Variants in SLC45A4 observed in about 807,000 individuals in gnomAD.
The protein encoded by SLC45A4 is polyamine-transporter SLC45A4.
SLC45A4 carries 32 observed loss-of-function variants against 63.7 expected under a neutral mutation model. The ratio of observed to expected loss-of-function variants is 0.50; its 90% CI spans 0.38 to 0.67. SLC45A4 has a LOEUF of 0.67. SLC45A4 is among the 30% of genes least tolerant of loss of function. SLC45A4 has a pLI of 0.00. For missense variants in SLC45A4, 1,027 were observed against 1,157.7 expected, an observed-to-expected ratio of 0.89 and a Z score of 1.64; for synonymous variants, 535 against 510.0, an observed-to-expected ratio of 1.05 and a Z score of -0.66.
rs556228067 is a variant in SLC45A4, at chr8:141,218,354, TAGG to T, written c.1283_1285del (p.Ser428del). The T allele has an allele frequency of 2.5e-5, 40 of 1,608,194 alleles. No individual in the cohort carries two copies. In the South Asian group the frequency reaches 2.5e-4, roughly 10 times the overall value. On this transcript the variant is annotated inframe_deletion, in exon 5 of 9. Coordinates refer to ENST00000517878, the MANE Select transcript of SLC45A4 (RefSeq NM_001286646.2). ...GCAGTGGGACCCAAGCTTGCCGTAG[TAGG>T]AGAAGGTGCTGGAGGCCTGCCTGCG...
At position 141,211,383 on chromosome 8, in the gene SLC45A4, G is replaced by A. The variant is rs182827946; in HGVS notation, c.*189C>T. On this transcript the variant is annotated 3_prime_UTR_variant, in exon 9 of 9. Coordinates refer to ENST00000517878, the MANE Select transcript of SLC45A4 (RefSeq NM_001286646.2). ...GGAGCTCGTCTGGAGCTCACGCTCC[G>A]CCCCCAGGTGGTGCCCAGCCCATCC... is the stretch of plus-strand genomic sequence containing the variant. 6.9e-5 allele frequency: 104 copies of A among 1,501,558 alleles called. No homozygotes were observed. Among genetic ancestry groups the A allele is most frequent in the Non-Finnish European group, 7.9e-5 (89 of 1,124,916 alleles). 93.0% of individuals were successfully genotyped at this position (1,501,558 alleles called of 1,614,324 possible). A position where few individuals can be genotyped will look rare whatever the true frequency, so the allele number is the denominator to read the frequency against.
At chr8:141,240,785 CTG>C (rs1827870643) in intron 2 of SLC45A4, among the ~76,000 whole-genome samples, 8 of 152,216 alleles carry the variant, frequency 5.3e-5, no homozygotes, top group Admixed American at 2.6e-4. Context: ...CTGCCCGACA[CTG>C]TGATTGGATC....
chr8:141,282,071 G>A (rs1199314158), intron 1 of SLC45A4, among the ~76,000 whole-genome samples: 1 of 152,194 alleles, frequency 6.6e-6, no homozygotes, highest in Admixed American at 6.5e-5. Flanking sequence ...GGGAAGCCCA[G>A]AGCAAATCGA....
chr8:141,226,772 T>C (rs960369174), intron 2 of SLC45A4: 1 of 152,084 alleles, frequency 6.6e-6, no homozygotes, highest in Admixed American at 6.5e-5. Flanking sequence ...TCAAGCCCAA[T>C]AGGAAGTCAG....
chr8:141,289,097 G>C (rs761411100), intron 1 of SLC45A4, among the ~76,000 whole-genome samples: 1 of 152,222 alleles, frequency 6.6e-6, no homozygotes, highest in Non-Finnish European at 1.5e-5. Context: ...AGCCAGGTGC[G>C]CGATGGAGTC....
At chr8:141,304,556 CAAAAAA>C (rs61384705) in intron 1 of SLC45A4, among the ~76,000 whole-genome samples, 6 of 127,394 alleles carry the variant, frequency 4.7e-5, no homozygotes, top group Non-Finnish European at 6.4e-5. Context: ...AAGACTGTCT[CAAAAAA>C]AAAAAAAAAA....
chr8:141,218,878 G>A lies in SLC45A4; in HGVS notation c.762C>T (p.Asp254=), dbSNP rs759723616. The A allele has an allele frequency of 6.2e-7, 1 of 1,613,606 alleles. No individual in the cohort carries two copies. The highest frequency in any genetic ancestry group is 8.5e-7 in the Non-Finnish European group (1 of 1,179,930). The change falls in exon 5 of 9, where the codon GAC becomes GAT. Residue 254 remains aspartate, a synonymous_variant. Transcript: ENST00000517878. ...CCTGCTGCGGGCTGTACTGCTCCTC[G>A]TCGATGCTGAACAGGTGCAGGGCCA... is the stretch of plus-strand genomic sequence containing the variant. ...VSVALHLFSI[D]EEQYSPQQER...
At chr8:141,231,215 C>G (rs75782416) in intron 2 of SLC45A4, among the ~76,000 whole-genome samples, 3 of 152,172 alleles carry the variant, frequency 2.0e-5, no homozygotes, top group African/African-American at 7.2e-5. Context: ...GAAGGAGCGC[C>G]GGAGACAGGG....
In SLC45A4 at chr8:141,227,322, G is replaced by T. The variant is rs1415710399; in HGVS notation, c.242-5557C>A. Among the ~76,000 whole-genome samples the T allele has an allele frequency of 1.3e-5, 2 of 152,268 alleles. No homozygotes were observed. Among genetic ancestry groups the T allele is most frequent in the Non-Finnish European group, 2.9e-5 (2 of 68,014 alleles). On this transcript the variant is annotated intron_variant, in intron 2 of 8. Transcript: ENST00000517878. The surrounding 1 kb of genome is among the most constrained non-coding windows in gnomAD (Gnocchi z 4.4). ...ACTTTCTGGTGAGGGGAGACTGGCGGGGGGTGGGGAGGGCAAGGAGTGGGA... is the reference window on the plus strand; with the variant it reads ...ACTTTCTGGTGAGGGGAGACTGGCGTGGGGTGGGGAGGGCAAGGAGTGGGA...
chr8:141,217,261 T>C (rs1589761625), intron 5 of SLC45A4, 72 bp from the exon 6 acceptor site: 1 of 1,469,346 alleles, frequency 6.8e-7, no homozygotes, highest in African/African-American at 1.4e-5. Context: ...GTATTTCCCA[T>C]GGGAACTGCT....
intron 1 of SLC45A4, among the ~76,000 whole-genome samples, chr8:141,274,770 G>A (rs1293414985): frequency 2.0e-5 from 3 of 152,200 alleles, no homozygotes; most frequent in Non-Finnish European, 2.9e-5. Flanking sequence ...GGATGACATG[G>A]CATGGCTGAG....
chr8:141,295,819 C>CCCAGCAG (rs1001782668), intron 1 of SLC45A4, among the ~76,000 whole-genome samples: 2 of 152,206 alleles, frequency 1.3e-5, no homozygotes, highest in Admixed American at 1.3e-4. Context: ...CCTTGAGTGC[C>CCCAGCAG]CCAGCAGCCA....
At chr8:141,235,346 G>A (rs1399775633) in intron 2 of SLC45A4, among the ~76,000 whole-genome samples, 3 of 152,172 alleles carry the variant, frequency 2.0e-5, no homozygotes, top group Non-Finnish European at 4.4e-5. Flanking sequence ...TTCAACCCAG[G>A]GCACAGCGGG....
intron 1 of SLC45A4, among the ~76,000 whole-genome samples, chr8:141,280,985 C>G (rs1036738859): frequency 6.6e-6 from 1 of 152,242 alleles, no homozygotes; most frequent in African/African-American, 2.4e-5. Context: ...CAACGGAGTC[C>G]AGGCATCCTC....
intron 1 of SLC45A4, among the ~76,000 whole-genome samples, chr8:141,290,299 C>T (rs370534933): frequency 1.6e-3 from 248 of 151,960 alleles, no homozygotes; most frequent in African/African-American, 5.8e-3. Flanking sequence ...TCGGCACCGG[C>T]AGAAAGGCCC....
intron 1 of SLC45A4, among the ~76,000 whole-genome samples, chr8:141,263,601 T>TAA (rs58443196): frequency 9.7e-5 from 14 of 144,352 alleles, no homozygotes; most frequent in African/African-American, 2.8e-4. Flanking sequence ...CATCTCTACT[T>TAA]AAAAAAAAAA....
At chr8:141,302,690 A>G (rs57221258) in intron 1 of SLC45A4, among the ~76,000 whole-genome samples, 14,732 of 152,206 alleles carry the variant, frequency 0.097, 843 homozygotes, top group Middle Eastern at 0.17. Flanking sequence ...CTTGACAGCA[A>G]TGTAACTCTA....
chr8:141,290,541 T>C (rs146982507), intron 1 of SLC45A4, among the ~76,000 whole-genome samples: 3 of 152,320 alleles, frequency 2.0e-5, no homozygotes, highest in African/African-American at 4.8e-5. Context: ...CATGGCAGCG[T>C]TCCAGTCACT....
At chr8:141,264,005 CTGAGTA>C (rs997978531) in intron 1 of SLC45A4, among the ~76,000 whole-genome samples, 1 of 152,114 alleles carries the variant, frequency 6.6e-6, no homozygotes, top group Non-Finnish European at 1.5e-5. Context: ...AAGAACCAGT[CTGAGTA>C]TTTCTTCAGT....
Sources: allele counts gnomAD v4.1 joint callset (sites outside exome capture counted in the v4.1 genomes callset), GRCh38; gene constraint gnomAD v4.1.1; non-coding constraint Gnocchi (gnomAD v3.1); transcripts MANE v1.5; gene names NCBI Gene and HGNC (gene_info 2026-07-23, HGNC 2026-07-21).